Variants in NEO1 observed in about 807,000 individuals in gnomAD.
NEO1 encodes the protein neogenin 1.
NEO1 carries 63 observed loss-of-function variants against 159.7 expected under a neutral mutation model. That is an observed-to-expected ratio of 0.39 (90% CI 0.32 to 0.49). The LOEUF (loss-of-function observed/expected upper bound fraction) is 0.49. Ranked by LOEUF, NEO1 falls within the 20% of genes least tolerant of loss-of-function variation. The pLI is 0.85. For synonymous variants in NEO1, 633 were observed against 662.0 expected (o/e 0.96, Z 0.67); for missense variants, 1,615 against 1,831.0 (o/e 0.88, Z 2.15).
intron 1 of NEO1, among the ~76,000 whole-genome samples, chr15:73,056,159 C>G (rs1234425294): frequency 6.6e-6 from 1 of 152,180 alleles, no homozygotes; most frequent in African/African-American, 2.4e-5. Context: ...TCTGTTCTCC[C>G]AAACCCAATA....
intron 1 of NEO1, among the ~76,000 whole-genome samples, chr15:73,064,344 G>A (rs1295538266): frequency 6.6e-6 from 1 of 152,168 alleles, no homozygotes; most frequent in Non-Finnish European, 1.5e-5. Context: ...AGGTAGAATG[G>A]CTTGTTCTAT....
At chr15:73,123,889 C>G (rs1371353426) in intron 3 of NEO1, among the ~76,000 whole-genome samples, 2 of 152,170 alleles carry the variant, frequency 1.3e-5, no homozygotes, top group African/African-American at 2.4e-5. Flanking sequence ...CAAAGCAGGA[C>G]TGTGAGCTAC....
upstream of NEO1, chr15:73,052,419 C>CCCG (rs1555416812): frequency 1.1e-5 from 1 of 87,476 alleles, no homozygotes; most frequent in African/African-American, 3.7e-5. Flanking sequence ...ACCGCCCCCC[C>CCCG]CCCCCCGCCC....
intron 5 of NEO1, among the ~76,000 whole-genome samples, chr15:73,140,663 A>G (rs912100143): frequency 5.3e-5 from 8 of 152,196 alleles, no homozygotes; most frequent in Non-Finnish European, 1.0e-4. Flanking sequence ...CCCCAAAACC[A>G]TGCACAATAA....
intron 1 of NEO1, among the ~76,000 whole-genome samples, chr15:73,096,997 T>C (rs1296853752): frequency 6.6e-6 from 1 of 152,074 alleles, no homozygotes; most frequent in Non-Finnish European, 1.5e-5. Flanking sequence ...TGGTAGCATG[T>C]GCCTGTGGTC....
chr15:73,210,993 A>C (rs748973693), intron 7 of NEO1, among the ~76,000 whole-genome samples: 1 of 152,258 alleles, frequency 6.6e-6, no homozygotes, highest in African/African-American at 2.4e-5. Flanking sequence ...AACGAATGTC[A>C]TAACATAAAA....
At chr15:73,160,713 TG>T (rs1363103034) in intron 5 of NEO1, among the ~76,000 whole-genome samples, 1 of 152,182 alleles carries the variant, frequency 6.6e-6, no homozygotes, top group Admixed American at 6.5e-5. Context: ...GCAAGGTACG[TG>T]GGAAGGGGCA....
At chr15:73,241,038 C>T (rs1037568834) in intron 8 of NEO1, among the ~76,000 whole-genome samples, 3 of 152,176 alleles carry the variant, frequency 2.0e-5, no homozygotes, top group Admixed American at 2.0e-4. Context: ...TTTACAAATT[C>T]ACCCACTTCC....
intron 5 of NEO1, among the ~76,000 whole-genome samples, chr15:73,168,506 C>G (rs2034737956): frequency 6.6e-6 from 1 of 151,490 alleles, no homozygotes; most frequent in Non-Finnish European, 1.5e-5. Context: ...CCGAGAAATA[C>G]TTTTAATTAG....
intron 5 of NEO1, among the ~76,000 whole-genome samples, chr15:73,173,505 G>C (rs376732158): frequency 6.6e-6 from 1 of 152,076 alleles, no homozygotes; most frequent in Non-Finnish European, 1.5e-5. Context: ...TGTAAAGCTG[G>C]ATACTTAGTA....
intron 28 of NEO1, 185 bp downstream of exon 28, chr15:73,301,642 G>A (rs979557210): frequency 1.3e-6 from 1 of 744,522 alleles, no homozygotes; most frequent in African/African-American, 1.8e-5. Flanking sequence ...CTGTGCTGAG[G>A]ACTTGGTGTG....
chr15:73,166,073 C>T (rs745388582), intron 5 of NEO1, among the ~76,000 whole-genome samples: 1 of 152,084 alleles, frequency 6.6e-6, no homozygotes, highest in Non-Finnish European at 1.5e-5. Flanking sequence ...TCAGGTTGTT[C>T]TGTTTGAAAT....
At chr15:73,140,026 A>T (rs1293049431) in intron 5 of NEO1, among the ~76,000 whole-genome samples, 2 of 152,250 alleles carry the variant, frequency 1.3e-5, no homozygotes, top group Non-Finnish European at 2.9e-5. Flanking sequence ...CTGGAAGAAG[A>T]TGTCTAGCTA....
At chr15:73,153,233 C>A (rs2033519831) in intron 5 of NEO1, among the ~76,000 whole-genome samples, 2 of 152,150 alleles carry the variant, frequency 1.3e-5, no homozygotes, top group Non-Finnish European at 2.9e-5. Context: ...TCCACAGATC[C>A]AAATGCTTTT....
At chr15:73,274,796 C>CA in intron 21 of NEO1, 72 bp downstream of exon 21, 9 of 1,074,110 alleles carry the variant, frequency 8.4e-6, no homozygotes, top group Non-Finnish European at 1.2e-5. Flanking sequence ...GTTTTTGTTT[C>CA]TTTTTTTTTT....
upstream of NEO1, among the ~76,000 whole-genome samples, chr15:73,052,247 G>C (rs1287249740): frequency 1.4e-5 from 2 of 147,102 alleles, no homozygotes; most frequent in Admixed American, 6.7e-5. Context: ...CGGAGCCGAG[G>C]GGGTGCGGGC....
At chr15:73,199,617 G>A (rs1242743147) in intron 7 of NEO1, among the ~76,000 whole-genome samples, 1 of 152,122 alleles carries the variant, frequency 6.6e-6, no homozygotes, top group East Asian at 1.9e-4. Context: ...TCTGGTTTTG[G>A]TATTAGGATA....
Position 73,216,365 on chromosome 15 carries a change from C to G in NEO1, c.1292-19982C>G, listed in dbSNP as rs1482090729. ...CATTTGGGTTGGTTCCAAGTCTTTG[C>G]TATTGTGAATAGTGCCGCAATAAAC... On this transcript the variant is annotated intron_variant, in intron 7 of 28. Coordinates refer to ENST00000261908, the MANE Select transcript of NEO1 (RefSeq NM_002499.4). 2.0e-5 allele frequency among the ~76,000 whole-genome samples: 3 copies of G among 152,252 alleles called. No homozygotes were observed. In the East Asian group the frequency reaches 5.8e-4, roughly 29 times the overall value.
chr15:73,206,671 T>A (rs552968500), intron 7 of NEO1, among the ~76,000 whole-genome samples: 51 of 152,214 alleles, frequency 3.4e-4, no homozygotes, highest in Non-Finnish European at 6.2e-4. Flanking sequence ...ATATCTCTGG[T>A]CTTGCTTATC....
Sources: allele counts gnomAD v4.1 joint callset (sites outside exome capture counted in the v4.1 genomes callset), GRCh38; gene constraint gnomAD v4.1.1; transcripts MANE v1.5; gene names NCBI Gene and HGNC (gene_info 2026-07-23, HGNC 2026-07-21).